The following ARHGEF17 variants were observed in gnomAD, a reference collection of about 807,000 sequenced individuals.
The protein encoded by ARHGEF17 is Rho guanine nucleotide exchange factor 17, also known as 164 kDa Rho-specific guanine-nucleotide exchange factor.
Under a neutral mutation model 174.0 loss-of-function variants are expected in ARHGEF17, and 80 were observed. The observed-to-expected ratio is 0.46, with a 90% CI of 0.38 to 0.55. The LOEUF is 0.55. Ranked by LOEUF, ARHGEF17 falls within the 20% of genes least tolerant of loss-of-function variation. ARHGEF17 has a pLI of 0.00. For synonymous variants in ARHGEF17, 1,311 were observed against 1,189.1 expected, an observed-to-expected ratio of 1.10 and a Z score of -2.11; for missense variants, 2,886 against 2,839.7, an observed-to-expected ratio of 1.02 and a Z score of -0.37.
chr11:73,359,252 C>T (rs757420204), intron 9 of ARHGEF17, among the ~76,000 whole-genome samples: 2 of 152,252 alleles, frequency 1.3e-5, no homozygotes, highest in African/African-American at 2.4e-5. Context: ...ACACATGTGT[C>T]CTGGCCCAAG....
chr11:73,365,202 C>T lies in ARHGEF17; in HGVS notation c.5551-188C>T, dbSNP rs1396082417. On this transcript the variant is annotated intron_variant, in intron 18 of 20. Coordinates refer to ENST00000263674, the MANE Select transcript of ARHGEF17 (RefSeq NM_014786.4). This position sits in a 1 kb window ranked among gnomAD's most constrained non-coding sequence, Gnocchi z 4.9. ...TCACTCAAGTTTAATGGGGAAAAAG[C>T]ACCTCCATTGTAATTCCTGAGAACT... 1.6e-6 allele frequency: 1 copy of T among 625,820 alleles called. No individual in the cohort carries two copies. The highest frequency in any genetic ancestry group is 2.8e-6 in the Non-Finnish European group (1 of 361,662). 38.8% of individuals were successfully genotyped at this position (625,820 alleles called of 1,614,324 possible). A position where few individuals can be genotyped will look rare whatever the true frequency, so the allele number is the denominator to read the frequency against.
intron 3 of ARHGEF17, chr11:73,353,321 C>A: frequency 2.4e-6 from 1 of 417,782 alleles, no homozygotes; most frequent in South Asian, 2.9e-5. Context: ...TGACCCCAAG[C>A]TGGTGCGGAC....
At chr11:73,311,977 T>C in intron 1 of ARHGEF17, 147 bp downstream of exon 1, 2 of 904,056 alleles carry the variant, frequency 2.2e-6, no homozygotes, top group South Asian at 1.8e-5. Context: ...TGTGCAGTTT[T>C]AAGAGTTGTT....
In ARHGEF17 at chr11:73,309,675, G is replaced by A; in HGVS notation, c.1037G>A (p.Ser346Asn). The A allele has an allele frequency of 6.2e-7, 1 of 1,613,106 alleles. No homozygotes were observed. The highest frequency in any genetic ancestry group is 8.5e-7 in the Non-Finnish European group (1 of 1,180,018). ...GAAGAAGGACTCCGGGAGTGGGGTAGTGGCTCTCCGCCCTGCGTCCCAGGT... is the reference window on the plus strand; with the variant it reads ...GAAGAAGGACTCCGGGAGTGGGGTAATGGCTCTCCGCCCTGCGTCCCAGGT... ...PREEGLREWG[S>N]GSPPCVPGPQ... Residue 346 changes from serine (S) to asparagine (N), a missense_variant, in exon 1 of 21, where the codon AGT becomes AAT. By Grantham distance (46) the Ser-to-Asn change is conservative. Coordinates refer to ENST00000263674, the MANE Select transcript of ARHGEF17 (RefSeq NM_014786.4).
At chr11:73,318,292 C>T (rs997562986) in intron 1 of ARHGEF17, among the ~76,000 whole-genome samples, 2 of 148,990 alleles carry the variant, frequency 1.3e-5, no homozygotes, top group Non-Finnish European at 3.0e-5. Flanking sequence ...GGCTGTGGTG[C>T]TCACTGTGGG....
rs764905511 is a variant in ARHGEF17 at position 73,311,339 on chromosome 11, C to T, written c.2701C>T (p.Arg901Ter). 1 of 1,613,384 alleles carries T rather than the reference C, an allele frequency of 6.2e-7. No homozygotes were observed. Among genetic ancestry groups the T allele is most frequent in the Non-Finnish European group, 8.5e-7 (1 of 1,180,036 alleles). Residue 901 changes from arginine (R) to a stop codon, truncating the protein, a stop_gained, in exon 1 of 21, where the codon CGA (arginine) becomes TGA (stop). Transcript: ENST00000263674. LOFTEE classifies it high-confidence loss of function. ...TCTGCCTCCCCCTGCCACTGCCCACCGAAACTTTCACCTTGACCCCAAGCT... is the reference window on the plus strand; with the variant it reads ...TCTGCCTCCCCCTGCCACTGCCCACTGAAACTTTCACCTTGACCCCAAGCT... ...EALPPPATAH[R>*]NFHLDPKLAD...
rs531983396 is a variant in ARHGEF17, at chr11:73,344,058, C to T, written c.3193-2825C>T. On this transcript the variant is annotated intron_variant, in intron 1 of 20. Coordinates refer to ENST00000263674, the MANE Select transcript of ARHGEF17 (RefSeq NM_014786.4). The stretch of plus-strand genomic sequence containing the variant: ...GATGCCCCAGTCATCCCAGGAGTGG[C>T]CCCCTCTGTCTTCCTGCTGTATCCC... 4.8e-4 allele frequency among the ~76,000 whole-genome samples: 73 copies of T among 152,276 alleles called. 1 individual carries two copies. In the South Asian group the frequency reaches 0.014, roughly 30 times the overall value.
chr11:73,365,562 C>G lies in ARHGEF17; in HGVS notation c.5723C>G (p.Ala1908Gly). The change falls in exon 19 of 21, where the codon GCA becomes GGA. Residue 1908 changes from alanine (A) to glycine (G), a missense_variant and splice_region_variant. Physicochemically the swap from Ala to Gly is moderately conservative, Grantham distance 60 (BLOSUM62 0). This residue lies in a region of ARHGEF17 where 329 missense variants were observed against 435.2 expected (regional missense o/e 0.76). Coordinates refer to ENST00000263674, the MANE Select transcript of ARHGEF17 (RefSeq NM_014786.4). This position sits in a 1 kb window ranked among gnomAD's most constrained non-coding sequence, Gnocchi z 4.9. The part of the protein sequence containing the change: ...DVTPPVHRML[A>G]GSDAIIRQHK... ...ACTCCTCCCGTGCACAGGATGCTGG[C>G]AGGTACTGACCTCAAACTACCACAG... The G allele has an allele frequency of 1.2e-6, 2 of 1,614,134 alleles. No individual in the cohort carries two copies. The highest frequency in any genetic ancestry group is 1.7e-6 in the Non-Finnish European group (2 of 1,180,024).
At position 73,346,961 on chromosome 11, in the gene ARHGEF17, G is replaced by T; in HGVS notation, c.3270+1G>T. 1.9e-6 allele frequency: 3 copies of T among 1,589,226 alleles called. No individual in the cohort carries two copies. Among genetic ancestry groups the T allele is most frequent in the Non-Finnish European group, 2.6e-6 (3 of 1,163,754 alleles). On this transcript the variant is annotated splice_donor_variant, in intron 2 of 20. Transcript: ENST00000263674. LOFTEE classifies it high-confidence loss of function. ...GGAGTCGCTGCGCACCCTGATGCAG[G>T]TGGGGCTCGGGGCCCACTCCCCTGA...
At chr11:73,363,627 A>G (rs1249936269) in intron 15 of ARHGEF17, 120 bp from the exon 16 acceptor site, 22 of 1,500,342 alleles carry the variant, frequency 1.5e-5, no homozygotes, top group Non-Finnish European at 2.0e-5. Context: ...GTGGGACCTC[A>G]GTACCTTGGG....
In ARHGEF17 at chr11:73,311,177, G is replaced by A. The variant is rs748990165; in HGVS notation, c.2539G>A (p.Gly847Arg). 8.1e-6 allele frequency: 13 copies of A among 1,597,050 alleles called. No individual in the cohort carries two copies. The highest frequency in any genetic ancestry group is 1.1e-5 in the Non-Finnish European group (13 of 1,169,044). The stretch of plus-strand genomic sequence containing the variant: ...TGGGCCTGGATTCGAGGGCCCTGGA[G>A]GGGAGCCCATCCGAGAAGTTGAGCC... The part of the protein sequence containing the change: ...LAGPGFEGPG[G>R]EPIREVEPML... The change falls in exon 1 of 21, where the codon GGG becomes AGG. Residue 847 changes from glycine to arginine, a missense_variant. Gly to Arg is a moderately radical substitution (Grantham distance 125). This residue lies in a region of ARHGEF17 where 1,728 missense variants were observed against 1,461.2 expected (regional missense o/e 1.18). Coordinates refer to ENST00000263674, the MANE Select transcript of ARHGEF17 (RefSeq NM_014786.4).
At chr11:73,352,713 C>T (rs569873152) in intron 2 of ARHGEF17, 117 bp from the exon 3 acceptor site, 2 of 1,092,854 alleles carry the variant, frequency 1.8e-6, no homozygotes, top group Non-Finnish European at 2.7e-6. Flanking sequence ...ATGTGGAAGG[C>T]AGGGCGCTGA....
chr11:73,333,767 C>T (rs1435144307), intron 1 of ARHGEF17, among the ~76,000 whole-genome samples: 1 of 152,132 alleles, frequency 6.6e-6, no homozygotes, highest in East Asian at 1.9e-4. Context: ...GGACAAGCTA[C>T]AGTGGGAGAG....
intron 20 of ARHGEF17, among the ~76,000 whole-genome samples, chr11:73,366,531 C>T (rs1191593369): frequency 6.6e-6 from 1 of 151,796 alleles, no homozygotes; most frequent in Non-Finnish European, 1.5e-5. Flanking sequence ...GAGTTCAGGA[C>T]CCAGCCTGGG....
intron 3 of ARHGEF17, 66 bp from the exon 4 acceptor site, chr11:73,355,467 A>C: frequency 9.6e-7 from 1 of 1,046,516 alleles, no homozygotes; most frequent in Admixed American, 1.8e-5. Context: ...ATCAGTGAAA[A>C]CTAGGACAGG....
In ARHGEF17 at chr11:73,365,356, G is replaced by C. The variant is rs1865816742; in HGVS notation, c.5551-34G>C. 1 of 1,611,930 alleles carries C rather than the reference G, an allele frequency of 6.2e-7. No homozygotes were observed. The highest frequency in any genetic ancestry group is 1.3e-5 in the African/African-American group (1 of 75,030). ...AGGGTGGGCCAAGGGAGGCAGGCCT[G>C]CCAATGACCCATCTTCTCCCCCGCC... is the stretch of plus-strand genomic sequence containing the variant. On this transcript the variant is annotated intron_variant, in intron 18 of 20. Coordinates refer to ENST00000263674, the MANE Select transcript of ARHGEF17 (RefSeq NM_014786.4). The surrounding 1 kb of genome is among the most constrained non-coding windows in gnomAD (Gnocchi z 4.9).
Position 73,365,800 on chromosome 11 carries a change from C to G in ARHGEF17, c.5848C>G (p.Pro1950Ala). The G allele has an allele frequency of 6.2e-7, 1 of 1,613,690 alleles. No homozygotes were observed. Among genetic ancestry groups the G allele is most frequent in the Non-Finnish European group, 8.5e-7 (1 of 1,180,040 alleles). ...AGVVLTMPTS[P>A]GTVSCPRAPL... is the part of the protein sequence containing the mutation. ...TGTCGTCCTCACCATGCCCACTTCG[C>G]CCGGTACTGTCAGCTGCCCACGGGC... Residue 1950 changes from proline to alanine, a missense_variant, in exon 20 of 21, where the codon CCC becomes GCC. Transcript: ENST00000263674. This position sits in a 1 kb window ranked among gnomAD's most constrained non-coding sequence, Gnocchi z 4.9.
rs1323313480 is a variant in ARHGEF17, at chr11:73,309,635, C to G, written c.997C>G (p.Pro333Ala). ...VSGSPEPPTS[P>A]RAPREEGLRE... ...TGGGAGCCCTGAGCCCCCAACATCT[C>G]CAAGAGCCCCTAGAGAAGAAGGACT... The change falls in exon 1 of 21, where the codon CCA becomes GCA. Residue 333 changes from proline to alanine, a missense_variant. This residue lies in a region of ARHGEF17 where 1,728 missense variants were observed against 1,461.2 expected (regional missense o/e 1.18). Coordinates refer to ENST00000263674, the MANE Select transcript of ARHGEF17 (RefSeq NM_014786.4). The G allele has an allele frequency of 1.2e-6, 2 of 1,613,008 alleles. No individual in the cohort carries two copies. The highest frequency in any genetic ancestry group is 1.7e-5 in the Admixed American group (1 of 60,016).
chr11:73,350,631 A>G (rs2134413806), intron 2 of ARHGEF17, among the ~76,000 whole-genome samples: 1 of 152,324 alleles, frequency 6.6e-6, no homozygotes, highest in Admixed American at 6.5e-5. Context: ...AATAGAAGTT[A>G]GGAGCCAGAA....
Sources: allele counts gnomAD v4.1 joint callset (sites outside exome capture counted in the v4.1 genomes callset), GRCh38; gene constraint gnomAD v4.1.1; regional missense constraint gnomAD v4.1.1; non-coding constraint Gnocchi (gnomAD v3.1); transcripts MANE v1.5; gene names NCBI Gene and HGNC (gene_info 2026-07-23, HGNC 2026-07-21).